MAP2K5: variants seen among roughly 807,000 people sequenced by gnomAD.
MAP2K5 encodes dual specificity mitogen-activated protein kinase kinase 5.
A neutral mutation model predicts 83.1 loss-of-function variants in MAP2K5; 49 were observed. The ratio of observed to expected loss-of-function variants is 0.59; its 90% CI spans 0.47 to 0.75. The LOEUF is 0.75. Among genes scored for constraint, MAP2K5 ranks in the 30% least tolerant of loss-of-function variants. The pLI is 0.00. For synonymous variants in MAP2K5, 202 were observed against 191.8 expected, an observed-to-expected ratio of 1.05 and a Z score of -0.44; for missense variants, 457 against 557.5, an observed-to-expected ratio of 0.82 and a Z score of 1.82.
intron 17 of MAP2K5, among the ~76,000 whole-genome samples, chr15:67,734,496 AC>A (rs1282785110): frequency 6.6e-6 from 1 of 152,192 alleles, no homozygotes; most frequent in African/African-American, 2.4e-5. Context: ...CTATTTAAAA[AC>A]ATTGAGCACT....
At position 67,562,742 on chromosome 15, in the gene MAP2K5, A is replaced by C. The variant is rs1218445242; in HGVS notation, c.185-541A>C. Among the ~76,000 whole-genome samples the C allele has an allele frequency of 6.6e-6, 1 of 152,190 alleles. No homozygotes were observed. The highest frequency in any genetic ancestry group is 1.5e-5 in the Non-Finnish European group (1 of 68,034). ...GTTCTCCTGTGGAAAGAGAATAATA[A>C]TAATGATGTTCATGTCGCAGGTTTG... On this transcript the variant is annotated intron_variant, in intron 2 of 21. Coordinates refer to ENST00000178640, the MANE Select transcript of MAP2K5 (RefSeq NM_145160.3). The surrounding 1 kb of genome is among the most constrained non-coding windows in gnomAD (Gnocchi z 4.1).
rs1008054345 is a variant in MAP2K5 at position 67,785,662 on chromosome 15, T to G, written c.1242+12910T>G. Among the ~76,000 whole-genome samples the G allele has an allele frequency of 3.3e-5, 5 of 152,134 alleles. No individual in the cohort carries two copies. Among genetic ancestry groups the G allele is most frequent in the African/African-American group, 4.8e-5 (2 of 41,428 alleles). ...GGAGGTGTGGAGGCAGCAGGGGACC[T>G]GGCATGGAGCCATGACCTCGCTCAT... On this transcript the variant is annotated intron_variant, in intron 21 of 21. Transcript: ENST00000178640. This position sits in a 1 kb window ranked among gnomAD's most constrained non-coding sequence, Gnocchi z 4.4.
intron 11 of MAP2K5, among the ~76,000 whole-genome samples, chr15:67,657,819 A>G (rs2087125545): frequency 6.6e-6 from 1 of 152,010 alleles, no homozygotes; most frequent in Non-Finnish European, 1.5e-5. Context: ...AGATAAAAAT[A>G]TTTTCTCTGA....
intron 2 of MAP2K5, among the ~76,000 whole-genome samples, chr15:67,551,921 A>G (rs1202361943): frequency 6.6e-6 from 1 of 152,198 alleles, no homozygotes; most frequent in Non-Finnish European, 1.5e-5. Flanking sequence ...ATAAACAAAT[A>G]ATGCATATAG....
intron 13 of MAP2K5, among the ~76,000 whole-genome samples, chr15:67,689,599 T>A (rs2141197435): frequency 6.6e-6 from 1 of 152,256 alleles, no homozygotes; most frequent in South Asian, 2.1e-4. Context: ...GAAAACCAGA[T>A]TGAGGGGAGA....
At position 67,717,627 on chromosome 15, in the gene MAP2K5, A is replaced by T. The variant is rs2088858828; in HGVS notation, c.1045-10289A>T. ...TTACTCAGGATTCTGTGGGTCAGGAATCCTAGCAAGGCCCAGCCATTCTAT... is the reference window on the plus strand; with the variant it reads ...TTACTCAGGATTCTGTGGGTCAGGATTCCTAGCAAGGCCCAGCCATTCTAT... On this transcript the variant is annotated intron_variant, in intron 16 of 21. Transcript: ENST00000178640. The surrounding 1 kb of genome is among the most constrained non-coding windows in gnomAD (Gnocchi z 4.1). Among the ~76,000 whole-genome samples, 1 of 152,208 alleles carries T rather than the reference A, an allele frequency of 6.6e-6. No homozygotes were observed. The highest frequency in any genetic ancestry group is 2.4e-5 in the African/African-American group (1 of 41,458).
Position 67,757,887 on chromosome 15 carries a change from G to A in MAP2K5, c.1134+9286G>A, listed in dbSNP as rs905002091. Among the ~76,000 whole-genome samples the A allele has an allele frequency of 2.0e-5, 3 of 152,086 alleles. No homozygotes were observed. The highest frequency in any genetic ancestry group is 7.2e-5 in the African/African-American group (3 of 41,404). Reference sequence around the variant, plus strand: ...GAGAGAACTCAGTGGAGGAGATGGGGGCTACCAGGGAAGCTCTGCAGAGGA... The same window carrying A: ...GAGAGAACTCAGTGGAGGAGATGGGAGCTACCAGGGAAGCTCTGCAGAGGA... On this transcript the variant is annotated intron_variant, in intron 19 of 21. Transcript: ENST00000178640. The surrounding 1 kb of genome is among the most constrained non-coding windows in gnomAD (Gnocchi z 4.9).
At chr15:67,600,888 A>G in intron 8 of MAP2K5, 139 bp downstream of exon 8, 1 of 611,466 alleles carries the variant, frequency 1.6e-6, no homozygotes, top group Non-Finnish European at 2.8e-6. Flanking sequence ...TCTGCAAGAC[A>G]TCTATTTTCT....
At chr15:67,634,869 GC>G (rs1326418462) in intron 9 of MAP2K5, among the ~76,000 whole-genome samples, 1 of 151,992 alleles carries the variant, frequency 6.6e-6, no homozygotes, top group Non-Finnish European at 1.5e-5. Flanking sequence ...GATGATCTCT[GC>G]TTTTTAAGTG....
At chr15:67,695,697 AT>A (rs2088235211) in intron 15 of MAP2K5, among the ~76,000 whole-genome samples, 1 of 152,236 alleles carries the variant, frequency 6.6e-6, no homozygotes, top group African/African-American at 2.4e-5. Context: ...AAATTGCATT[AT>A]ATTTGAATGT....
chr15:67,586,696 T>C (rs2085298980), intron 5 of MAP2K5, 150 bp from the exon 6 acceptor site: 1 of 727,050 alleles, frequency 1.4e-6, no homozygotes, highest in East Asian at 2.5e-5. Context: ...TTTTGTAACC[T>C]ATATACTGAA....
chr15:67,664,635 T>G lies in MAP2K5; in HGVS notation c.837T>G (p.Ile279Met). The G allele has an allele frequency of 6.2e-7, 1 of 1,603,316 alleles. No homozygotes were observed. Among genetic ancestry groups the G allele is most frequent in the Non-Finnish European group, 8.5e-7 (1 of 1,170,478 alleles). Residue 279 changes from isoleucine (I) to methionine (M), a missense_variant, in exon 13 of 22, where the codon ATT (isoleucine) becomes ATG (methionine). Ile to Met is a conservative substitution (Grantham distance 10, BLOSUM62 1). This residue lies in a region of MAP2K5 where 168 missense variants were observed against 263.0 expected (regional missense o/e 0.64). Transcript: ENST00000178640. Reference protein sequence around the residue: ...KGLTYLWSLKILHRDVKPSNM... With the variant: ...KGLTYLWSLKMLHRDVKPSNM... ...TTACTTATTTGTGGAGTTTAAAGATTTTACATAGAGGTATGTGCTGGGCTT... is the reference window on the plus strand; with the variant it reads ...TTACTTATTTGTGGAGTTTAAAGATGTTACATAGAGGTATGTGCTGGGCTT...
In MAP2K5 at chr15:67,779,935, C is replaced by T. The variant is rs2090301415; in HGVS notation, c.1242+7183C>T. On this transcript the variant is annotated intron_variant, in intron 21 of 21. Transcript: ENST00000178640. The surrounding 1 kb of genome is among the most constrained non-coding windows in gnomAD (Gnocchi z 4.6). Reference sequence around the variant, plus strand: ...GTTCCTCATTGGCCATGACTCAGCTCACTAGAACTTTCTGTTATTTGGGTG... The same window carrying T: ...GTTCCTCATTGGCCATGACTCAGCTTACTAGAACTTTCTGTTATTTGGGTG... Among the ~76,000 whole-genome samples, 1 of 152,134 alleles carries T rather than the reference C, an allele frequency of 6.6e-6. No homozygotes were observed. Among genetic ancestry groups the T allele is most frequent in the Non-Finnish European group, 1.5e-5 (1 of 68,000 alleles).
At chr15:67,639,362 T>C (rs1417734163) in intron 9 of MAP2K5, among the ~76,000 whole-genome samples, 8 of 152,252 alleles carry the variant, frequency 5.3e-5, no homozygotes, top group Non-Finnish European at 1.0e-4. Context: ...TGATGATTTA[T>C]ACAATGCTAA....
rs894161714 is a variant in MAP2K5, at chr15:67,768,279, G to A, written c.1135-1323G>A. Among the ~76,000 whole-genome samples the A allele has an allele frequency of 6.6e-6, 1 of 152,208 alleles. No individual in the cohort carries two copies. Among genetic ancestry groups the A allele is most frequent in the Non-Finnish European group, 1.5e-5 (1 of 68,022 alleles). ...ATATTTACTAATCACATAGGAGGCT[G>A]TGCAATTGTATCTATCTGCCACCAT... On this transcript the variant is annotated intron_variant, in intron 19 of 21. Coordinates refer to ENST00000178640, the MANE Select transcript of MAP2K5 (RefSeq NM_145160.3). This position sits in a 1 kb window ranked among gnomAD's most constrained non-coding sequence, Gnocchi z 4.0.
intron 2 of MAP2K5, among the ~76,000 whole-genome samples, chr15:67,553,549 T>C (rs2084555611): frequency 6.6e-6 from 1 of 152,236 alleles, no homozygotes. Context: ...GCTGGCTTTT[T>C]TCATGATTAT....
At chr15:67,635,101 GC>G (rs2086570325) in intron 9 of MAP2K5, among the ~76,000 whole-genome samples, 1 of 151,274 alleles carries the variant, frequency 6.6e-6, no homozygotes, top group Non-Finnish European at 1.5e-5. Context: ...CCTCATCCCA[GC>G]CTTTGTTTTA....
intron 15 of MAP2K5, 132 bp from the exon 16 acceptor site, chr15:67,703,205 A>G: frequency 1.6e-6 from 1 of 637,506 alleles, no homozygotes; most frequent in South Asian, 1.8e-5. Context: ...ACACACATGT[A>G]AAATTGTTTT....
Position 67,790,970 on chromosome 15 carries a change from G to A in MAP2K5, c.1243-15676G>A, listed in dbSNP as rs1256261382. Among the ~76,000 whole-genome samples the A allele has an allele frequency of 1.3e-5, 2 of 152,162 alleles. No homozygotes were observed. Among genetic ancestry groups the A allele is most frequent in the Admixed American group, 6.5e-5 (1 of 15,284 alleles). ...AGAGCTAGGGGGAATAAGCTGTGTT[G>A]TAGAGAATGAAATCCATAGGACTCC... On this transcript the variant is annotated intron_variant, in intron 21 of 21. Transcript: ENST00000178640. This position sits in a 1 kb window ranked among gnomAD's most constrained non-coding sequence, Gnocchi z 4.6.
Sources: gnomAD v4.1 joint callset for allele counts (sites outside exome capture counted in the v4.1 genomes callset) on GRCh38, gnomAD v4.1.1 for gene constraint, gnomAD v4.1.1 regional missense constraint, Gnocchi (gnomAD v3.1) non-coding constraint, MANE v1.5 for transcripts, NCBI Gene and HGNC (gene_info 2026-07-23, HGNC 2026-07-21) for gene names.